CSGALNACT1: variants seen among roughly 807,000 people sequenced by gnomAD.
CSGALNACT1 encodes beta4GalNAcT-1.
A neutral mutation model predicts 51.0 loss-of-function variants in CSGALNACT1; 52 were observed. The ratio of observed to expected loss-of-function variants is 1.02; its 90% CI spans 0.82 to 1.29. The LOEUF (loss-of-function observed/expected upper bound fraction) is 1.29, where lower values mean the gene tolerates loss of function less well. Among genes scored for constraint, CSGALNACT1 ranks in the 50% most tolerant of loss-of-function variants. The pLI, the probability that CSGALNACT1 is intolerant of heterozygous loss-of-function variation, is 0.00. For synonymous variants in CSGALNACT1, 341 were observed against 254.4 expected, an observed-to-expected ratio of 1.34 and a Z score of -3.24; for missense variants, 935 against 679.2, an observed-to-expected ratio of 1.38 and a Z score of -4.19.
chr8:19,405,246 G>A (rs1366239207), exon 10 of CSGALNACT1: 1 of 453,314 alleles, frequency 2.2e-6, no homozygotes, highest in Non-Finnish European at 4.4e-6. Flanking sequence ...AATATGACAC[G>A]ATATTTATGG....
chr8:19,559,776 T>C (rs1334784730), intron 3 of CSGALNACT1, among the ~76,000 whole-genome samples: 1 of 152,076 alleles, frequency 6.6e-6, no homozygotes, highest in Non-Finnish European at 1.5e-5. Context: ...ACAATAAAAC[T>C]TCAGTAGAGA....
rs575729341 is a variant in CSGALNACT1 at position 19,429,304 on chromosome 8, G to T, written c.954-8786C>A. Among the ~76,000 whole-genome samples, 8 of 152,130 alleles carry T rather than the reference G, an allele frequency of 5.3e-5. No individual in the cohort carries two copies. In the South Asian group the frequency reaches 1.7e-3, roughly 32 times the overall value. On this transcript the variant is annotated intron_variant, in intron 6 of 9. Transcript: ENST00000454498. Reference sequence around the variant, plus strand: ...TGATTCTCCTGCCTCAGCCTCCCCAGTACCTGGGATTACAGGTGTGAGCCA... The same window carrying T: ...TGATTCTCCTGCCTCAGCCTCCCCATTACCTGGGATTACAGGTGTGAGCCA...
intron 3 of CSGALNACT1, among the ~76,000 whole-genome samples, chr8:19,561,462 G>A (rs2040700007): frequency 6.6e-6 from 1 of 152,176 alleles, no homozygotes; most frequent in Non-Finnish European, 1.5e-5. Context: ...TCCTATGTAT[G>A]AGTCCCTCTC....
At chr8:19,436,631 G>A (rs1162626061) in intron 6 of CSGALNACT1, among the ~76,000 whole-genome samples, 1 of 152,186 alleles carries the variant, frequency 6.6e-6, no homozygotes, top group African/African-American at 2.4e-5. Context: ...GGGAGGCTGG[G>A]TGTAGAGGAT....
At chr8:19,429,081 GC>G (rs1303353363) in intron 6 of CSGALNACT1, among the ~76,000 whole-genome samples, 10 of 152,056 alleles carry the variant, frequency 6.6e-5, no homozygotes, top group African/African-American at 2.4e-4. Flanking sequence ...CATATCCCCA[GC>G]CCCTGGCAAC....
intron 1 of CSGALNACT1, among the ~76,000 whole-genome samples, chr8:19,689,950 T>C (rs756624042): frequency 1.3e-5 from 2 of 152,208 alleles, no homozygotes; most frequent in African/African-American, 2.4e-5. Context: ...CAATGCCTGA[T>C]CCAGAGTCCC....
intron 1 of CSGALNACT1, among the ~76,000 whole-genome samples, chr8:19,730,585 G>A (rs555249414): frequency 2.6e-4 from 39 of 152,248 alleles, no homozygotes; most frequent in Non-Finnish European, 5.1e-4. Context: ...GAATAACTAG[G>A]CCATCATTCT....
upstream of CSGALNACT1, among the ~76,000 whole-genome samples, chr8:19,683,414 A>G (rs2060774467): frequency 6.6e-6 from 1 of 152,196 alleles, no homozygotes; most frequent in South Asian, 2.1e-4. Context: ...AAAAGCTCTG[A>G]CAATTTAAAA....
At chr8:19,470,661 A>G (rs1042426791) in intron 4 of CSGALNACT1, among the ~76,000 whole-genome samples, 5 of 152,114 alleles carry the variant, frequency 3.3e-5, no homozygotes, top group African/African-American at 1.2e-4. Context: ...TGATTCGGCA[A>G]TCATCTCATT....
intron 5 of CSGALNACT1, among the ~76,000 whole-genome samples, chr8:19,449,589 T>C (rs1336294343): frequency 6.6e-6 from 1 of 152,160 alleles, no homozygotes; most frequent in Non-Finnish European, 1.5e-5. Context: ...ACCACCTTAA[T>C]GGTTCTAGGC....
intron 1 of CSGALNACT1, among the ~76,000 whole-genome samples, chr8:19,645,454 G>T (rs965963502): frequency 6.6e-6 from 1 of 152,210 alleles, no homozygotes; most frequent in African/African-American, 2.4e-5. Context: ...ACACAGACAG[G>T]AGGTAGAATC....
chr8:19,521,152 C>T (rs1042306572), intron 3 of CSGALNACT1, among the ~76,000 whole-genome samples: 48 of 152,182 alleles, frequency 3.2e-4, no homozygotes, highest in South Asian at 6.2e-4. Flanking sequence ...CTATAGGTAA[C>T]GGCTAGCCAG....
intron 3 of CSGALNACT1, among the ~76,000 whole-genome samples, chr8:19,557,108 G>C (rs1457970383): frequency 6.6e-6 from 1 of 152,050 alleles, no homozygotes. Context: ...TCACTGTTGA[G>C]GTGCCTGGAA....
intron 5 of CSGALNACT1, among the ~76,000 whole-genome samples, chr8:19,442,897 C>T (rs1563419679): frequency 6.6e-6 from 1 of 152,130 alleles, no homozygotes; most frequent in Non-Finnish European, 1.5e-5. Flanking sequence ...GCCTTGGAAG[C>T]ACCCAATGTT....
chr8:19,657,308 G>C (rs1205324038), intron 1 of CSGALNACT1, among the ~76,000 whole-genome samples: 1 of 151,858 alleles, frequency 6.6e-6, no homozygotes, highest in African/African-American at 2.4e-5. Flanking sequence ...AAGATAAACT[G>C]AAAGACGTGA....
chr8:19,542,315 G>A (rs976903357), intron 3 of CSGALNACT1, among the ~76,000 whole-genome samples: 5 of 151,818 alleles, frequency 3.3e-5, no homozygotes, highest in African/African-American at 9.7e-5. Context: ...AACACTGTCC[G>A]TCAAACCAGG....
At chr8:19,438,702 C>T (rs760992498) in intron 6 of CSGALNACT1, among the ~76,000 whole-genome samples, 45 of 152,288 alleles carry the variant, frequency 3.0e-4, no homozygotes, top group Non-Finnish European at 4.0e-4. Context: ...TGTAAACAAA[C>T]GGGCATGCCT....
chr8:19,492,045 G>C (rs757057186), intron 4 of CSGALNACT1, among the ~76,000 whole-genome samples: 3 of 152,184 alleles, frequency 2.0e-5, no homozygotes, highest in Non-Finnish European at 2.9e-5. Flanking sequence ...ACTTAAGTAG[G>C]TTCAGCCATG....
chr8:19,687,980 G>A (rs920523726), intron 1 of CSGALNACT1, among the ~76,000 whole-genome samples: 10 of 152,162 alleles, frequency 6.6e-5, no homozygotes, highest in Admixed American at 5.9e-4. Context: ...TCTTACATCC[G>A]TGTTGTGGTT....
Sources: allele counts gnomAD v4.1 joint callset (sites outside exome capture counted in the v4.1 genomes callset), GRCh38; gene constraint gnomAD v4.1.1; transcripts MANE v1.5; gene names NCBI Gene and HGNC (gene_info 2026-07-23, HGNC 2026-07-21).